The following GRID2 variants were observed in gnomAD, a reference collection of about 807,000 sequenced individuals.
GRID2 encodes the protein glutamate receptor ionotropic, delta-2.
A neutral mutation model predicts 114.8 loss-of-function variants in GRID2; 33 were observed. The ratio of observed to expected loss-of-function variants is 0.29; its 90% confidence interval spans 0.22 to 0.38. GRID2 has a LOEUF of 0.38. Ranked by LOEUF, GRID2 falls within the 10% of genes least tolerant of loss-of-function variation. GRID2 has a pLI of 1.00. For missense variants in GRID2, 1,184 were observed against 1,257.7 expected (o/e 0.94, Z 0.89); for synonymous variants, 505 against 449.9 (o/e 1.12, Z -1.55).
chr4:93,608,303 T>TC (rs1553964144), intron 13 of GRID2, among the ~76,000 whole-genome samples: 2 of 145,254 alleles, frequency 1.4e-5, no homozygotes, highest in Admixed American at 1.4e-4. Context: ...TTTCTTTTTT[T>TC]TTTTTTAATT....
At chr4:93,163,396 A>T (rs111552701) in intron 4 of GRID2, among the ~76,000 whole-genome samples, 1 of 41,854 alleles carries the variant, frequency 2.4e-5, no homozygotes, top group African/African-American at 9.1e-5. Context: ...ATATATATAT[A>T]TATACACTAT....
chr4:93,790,663 T>G (rs1041226505), intron 1 of GRID2, among the ~76,000 whole-genome samples: 3 of 152,040 alleles, frequency 2.0e-5, no homozygotes, highest in African/African-American at 7.2e-5. Flanking sequence ...TAAAAACTAA[T>G]CTTTTGACAA....
intron 2 of GRID2, among the ~76,000 whole-genome samples, chr4:92,929,564 G>A (rs1047338656): frequency 4.6e-5 from 7 of 151,298 alleles, no homozygotes; most frequent in African/African-American, 1.7e-4. Context: ...TTGGCTGTCT[G>A]ATAATATTGT....
chr4:93,275,566 G>A (rs1220807158), intron 8 of GRID2, among the ~76,000 whole-genome samples: 1 of 151,560 alleles, frequency 6.6e-6, no homozygotes, highest in African/African-American at 2.4e-5. Context: ...CAATATACGA[G>A]GGTTCAATTT....
chr4:93,768,246 A>C (rs1733830670), intron 14 of GRID2, among the ~76,000 whole-genome samples: 1 of 152,346 alleles, frequency 6.6e-6, no homozygotes, highest in Admixed American at 6.5e-5. Flanking sequence ...CTGTTTGGCC[A>C]GGAAATTCCA....
At chr4:93,479,477 G>T (rs1725646669) in intron 11 of GRID2, among the ~76,000 whole-genome samples, 1 of 152,062 alleles carries the variant, frequency 6.6e-6, no homozygotes, top group African/African-American at 2.4e-5. Context: ...CTCATGACAG[G>T]CTGTCTGCAA....
At chr4:93,167,398 T>C (rs1383059281) in intron 4 of GRID2, among the ~76,000 whole-genome samples, 1 of 152,214 alleles carries the variant, frequency 6.6e-6, no homozygotes, top group African/African-American at 2.4e-5. Flanking sequence ...CATCAAGGTA[T>C]GCTAGTCACC....
chr4:93,418,170 C>G (rs1451589764), intron 9 of GRID2, among the ~76,000 whole-genome samples: 1 of 151,728 alleles, frequency 6.6e-6, no homozygotes, highest in African/African-American at 2.4e-5. Flanking sequence ...ATTTCGACTT[C>G]TAGAAATAGG....
chr4:93,410,541 C>A (rs1299355783), intron 9 of GRID2, among the ~76,000 whole-genome samples: 1 of 152,158 alleles, frequency 6.6e-6, no homozygotes, highest in African/African-American at 2.4e-5. Context: ...TCCTCTCTTG[C>A]ATCTTCAACA....
At chr4:92,316,339 G>C (rs1330654838) in intron 1 of GRID2, among the ~76,000 whole-genome samples, 1 of 152,080 alleles carries the variant, frequency 6.6e-6, no homozygotes, top group Non-Finnish European at 1.5e-5. Flanking sequence ...ATTAATGTGG[G>C]TGATGCTTCA....
intron 13 of GRID2, among the ~76,000 whole-genome samples, chr4:93,582,872 A>G (rs879885197): frequency 2.2e-4 from 33 of 152,340 alleles, no homozygotes; most frequent in Middle Eastern, 3.4e-3. Context: ...TAGGGCTGCC[A>G]TAACAAGTCA....
intron 2 of GRID2, among the ~76,000 whole-genome samples, chr4:92,920,938 A>G (rs1749266790): frequency 1.3e-5 from 2 of 152,124 alleles, no homozygotes; most frequent in East Asian, 1.9e-4. Flanking sequence ...TATCCTGCAG[A>G]GTGTTTTCCA....
In GRID2 at chr4:92,592,132, G is replaced by T. The variant is rs142442479; in HGVS notation, c.244+1846G>T. Among the ~76,000 whole-genome samples the T allele has an allele frequency of 1.6e-3, 244 of 152,000 alleles. 1 individual carries two copies. Among genetic ancestry groups the T allele is most frequent in the African/African-American group, 5.4e-3 (226 of 41,530 alleles). ...AATCATTTTAAAGATATATTCAATA[G>T]GAAATATATGTCATTCATTTTTAAG... On this transcript the variant is annotated intron_variant, in intron 2 of 15. Transcript: ENST00000282020.
At chr4:92,865,778 G>A (rs548419273) in intron 2 of GRID2, among the ~76,000 whole-genome samples, 12 of 152,134 alleles carry the variant, frequency 7.9e-5, no homozygotes, top group Non-Finnish European at 1.3e-4. Flanking sequence ...ATAATATTTC[G>A]GCCATAAAGC....
In GRID2 at chr4:93,251,503, A is replaced by AT. The variant is rs554395085; in HGVS notation, c.1245+13019dup. ...TGTAACCATATTTGTAAATATTCCAATTTTTTAAACTTTAAAGTTCAGGAG... is the reference window on the plus strand; with the variant it reads ...TGTAACCATATTTGTAAATATTCCAATTTTTTTAAACTTTAAAGTTCAGGAG... On this transcript the variant is annotated intron_variant, in intron 8 of 15. Transcript: ENST00000282020. Among the ~76,000 whole-genome samples, 177 of 152,248 alleles carry AT rather than the reference A, an allele frequency of 1.2e-3. 3 individuals carry two copies. Among genetic ancestry groups the AT allele is most frequent in the African/African-American group, 4.2e-3 (175 of 41,554 alleles).
At position 92,636,158 on chromosome 4, in the gene GRID2, C is replaced by T. The variant is rs116703227; in HGVS notation, c.244+45872C>T. On this transcript the variant is annotated intron_variant, in intron 2 of 15. Coordinates refer to ENST00000282020, the MANE Select transcript of GRID2 (RefSeq NM_001510.4). Reference sequence around the variant, plus strand: ...CTGTTAGAACCCTAGAGTTGGTGGGCCTGCCGAGTCCTGCTTGAATTACTA... The same window carrying T: ...CTGTTAGAACCCTAGAGTTGGTGGGTCTGCCGAGTCCTGCTTGAATTACTA... Among the ~76,000 whole-genome samples the T allele has an allele frequency of 5.5e-3, 838 of 151,958 alleles. 8 individuals are homozygous for T. The highest frequency in any genetic ancestry group is 0.019 in the African/African-American group (786 of 41,476).
intron 2 of GRID2, among the ~76,000 whole-genome samples, chr4:92,936,631 G>T (rs763694771): frequency 6.9e-6 from 1 of 145,720 alleles, no homozygotes; most frequent in African/African-American, 2.4e-5. Flanking sequence ...TAGGCCTGTT[G>T]TCATTTATAA....
intron 1 of GRID2, among the ~76,000 whole-genome samples, chr4:92,583,798 A>G (rs988723956): frequency 4.0e-5 from 6 of 150,458 alleles, no homozygotes; most frequent in African/African-American, 1.5e-4. Context: ...ATATGTGAGT[A>G]TGTAATAAAT....
intron 13 of GRID2, among the ~76,000 whole-genome samples, chr4:93,592,398 T>C (rs1738461026): frequency 6.6e-6 from 1 of 152,246 alleles, no homozygotes; most frequent in African/African-American, 2.4e-5. Context: ...GAGTTCTAAT[T>C]TGATTGCACT....
Sources: gnomAD v4.1 joint callset for allele counts (sites outside exome capture counted in the v4.1 genomes callset) on GRCh38, gnomAD v4.1.1 for gene constraint, MANE v1.5 for transcripts, NCBI Gene and HGNC (gene_info 2026-07-23, HGNC 2026-07-21) for gene names.